The following KIF20B variants were observed in gnomAD, a reference collection of about 807,000 sequenced individuals.
KIF20B encodes kinesin-like protein KIF20B.
KIF20B carries 188 observed loss-of-function variants against 232.5 expected under a neutral mutation model. The ratio of observed to expected loss-of-function variants is 0.81; its 90% CI spans 0.72 to 0.91. KIF20B has a LOEUF of 0.91. Ranked by LOEUF, KIF20B falls within the 40% of genes least tolerant of loss-of-function variation. The pLI is 0.00. For synonymous variants in KIF20B, 712 were observed against 683.0 expected (o/e 1.04, Z -0.66); for missense variants, 2,154 against 2,055.9 (o/e 1.05, Z -0.92).
chr10:89,768,977 C>G (rs1249453134), intron 31 of KIF20B, 89 bp downstream of exon 31: 1 of 1,072,372 alleles, frequency 9.3e-7, no homozygotes, highest in Non-Finnish European at 1.3e-6. Flanking sequence ...AACAGCTGTT[C>G]AGGGAATATT....
rs1232096793 is a variant in KIF20B, at chr10:89,738,236, A to G, written c.3395A>G (p.Asn1132Ser). Residue 1132 changes from asparagine to serine, a missense_variant, in exon 20 of 33, where the codon AAT (asparagine) becomes AGT (serine). Transcript: ENST00000371728. ...CTGAAAGAAGAATTGCAAGAAAAAA[A>G]TGTTACTCTTGATGTTCAAATACAG... Reference protein sequence around the residue: ...QQLKEELQEKNVTLDVQIQHV... With the variant: ...QQLKEELQEKSVTLDVQIQHV... 2 of 1,603,712 alleles carry G rather than the reference A, an allele frequency of 1.2e-6. No individual in the cohort carries two copies. The highest frequency in any genetic ancestry group is 1.4e-5 in the African/African-American group (1 of 74,018).
chr10:89,748,289 C>G (rs1017251669), intron 23 of KIF20B, among the ~76,000 whole-genome samples: 4 of 152,228 alleles, frequency 2.6e-5, no homozygotes, highest in Non-Finnish European at 4.4e-5. Context: ...GGATTACAGG[C>G]TTGAGCCACC....
intron 18 of KIF20B, among the ~76,000 whole-genome samples, chr10:89,729,818 C>T (rs557372042): frequency 6.6e-6 from 1 of 152,128 alleles, no homozygotes; most frequent in African/African-American, 2.4e-5. Flanking sequence ...TCTTTTAATC[C>T]ATGTCTTTTA....
rs1175391846 is a variant in KIF20B, at chr10:89,774,550, T to C, written c.*502T>C. On this transcript the variant is annotated 3_prime_UTR_variant, in exon 33 of 33. Coordinates refer to ENST00000371728, the MANE Select transcript of KIF20B (RefSeq NM_001284259.2). ...ATGTCTCACTTATTTTGTAAACATT[T>C]TGTGGGTACATAGTACATGTATATA... 2.0e-5 allele frequency: 3 copies of C among 152,068 alleles called. No individual in the cohort carries two copies. Among genetic ancestry groups the C allele is most frequent in the African/African-American group, 7.2e-5 (3 of 41,434 alleles). 9.4% of individuals were successfully genotyped at this position (152,068 alleles called of 1,614,324 possible).
intron 19 of KIF20B, 83 bp downstream of exon 19, chr10:89,733,139 T>A: frequency 7.3e-7 from 1 of 1,370,284 alleles, no homozygotes; most frequent in Non-Finnish European, 1.0e-6. Flanking sequence ...CAGAGGGGCA[T>A]TCACTTGTCT....
rs946857849 is a variant in KIF20B at position 89,738,485 on chromosome 10, C to T, written c.3644C>T (p.Thr1215Ile). ...CATCTTCAGGATTCTGTCAAAAACACCAAAGATTTAAATGTAAAGGAACTC... is the reference window on the plus strand; with the variant it reads ...CATCTTCAGGATTCTGTCAAAAACATCAAAGATTTAAATGTAAAGGAACTC... ...QEHLQDSVKN[T>I]KDLNVKELKL... Residue 1215 changes from threonine (T) to isoleucine (I), a missense_variant, in exon 20 of 33, where the codon ACC becomes ATC. Physicochemically the swap from Thr to Ile is moderately conservative, Grantham distance 89. Coordinates refer to ENST00000371728, the MANE Select transcript of KIF20B (RefSeq NM_001284259.2). 3 of 1,605,142 alleles carry T rather than the reference C, an allele frequency of 1.9e-6. No individual in the cohort carries two copies. Among genetic ancestry groups the T allele is most frequent in the Non-Finnish European group, 2.5e-6 (3 of 1,176,722 alleles).
chr10:89,719,462 T>G lies in KIF20B; in HGVS notation c.1478T>G (p.Phe493Cys). 1 of 1,600,370 alleles carries G rather than the reference T, an allele frequency of 6.2e-7. No individual in the cohort carries two copies. Among genetic ancestry groups the G allele is most frequent in the South Asian group, 1.1e-5 (1 of 88,750 alleles). Residue 493 changes from phenylalanine to cysteine, a missense_variant, in exon 13 of 33, where the codon TTT (phenylalanine) becomes TGT (cysteine). Transcript: ENST00000371728. ...DTLNSSQEKL[F>C]GPVKSSQDVS... ...TTAAATTCCTCTCAAGAGAAATTAT[T>G]TGGACCTGTCAAATCTTCTCAAGAT...
At chr10:89,739,412 G>A (rs1368027704) in intron 21 of KIF20B, among the ~76,000 whole-genome samples, 2 of 152,072 alleles carry the variant, frequency 1.3e-5, no homozygotes, top group Non-Finnish European at 1.5e-5. Context: ...TGTGCAGTAT[G>A]ATTTTTTAGT....
intron 31 of KIF20B, among the ~76,000 whole-genome samples, chr10:89,771,854 C>T (rs1267106792): frequency 6.6e-6 from 1 of 151,894 alleles, no homozygotes; most frequent in African/African-American, 2.4e-5. Context: ...TGGGTAGGAG[C>T]TGGTGCTTTC....
chr10:89,707,711 G>A (rs903840133), intron 2 of KIF20B, among the ~76,000 whole-genome samples: 1 of 151,296 alleles, frequency 6.6e-6, no homozygotes, highest in South Asian at 2.1e-4. Context: ...CTAGAAGTGG[G>A]GAAGCAGAAA....
In KIF20B at chr10:89,770,512, A is replaced by G. The variant is rs143339377; in HGVS notation, c.5242+1624A>G. 4.6e-3 allele frequency among the ~76,000 whole-genome samples: 705 copies of G among 152,102 alleles called. 3 individuals carry two copies. Among genetic ancestry groups the G allele is most frequent in the African/African-American group, 0.016 (677 of 41,536 alleles). ...TATTTTCAAGGAGAGGTAGGTACCT[A>G]TAATAAGTATGTAATCAGATAAGGG... On this transcript the variant is annotated intron_variant, in intron 31 of 32. Coordinates refer to ENST00000371728, the MANE Select transcript of KIF20B (RefSeq NM_001284259.2).
Position 89,726,444 on chromosome 10 carries a change from A to G in KIF20B, c.2153A>G (p.Asn718Ser). 1 of 1,606,578 alleles carries G rather than the reference A, an allele frequency of 6.2e-7. No homozygotes were observed. The highest frequency in any genetic ancestry group is 8.5e-7 in the Non-Finnish European group (1 of 1,175,666). Residue 718 changes from asparagine (N) to serine (S), a missense_variant, in exon 16 of 33, where the codon AAT (asparagine) becomes AGT (serine). Physicochemically the swap from Asn to Ser is conservative, Grantham distance 46 (BLOSUM62 1). Coordinates refer to ENST00000371728, the MANE Select transcript of KIF20B (RefSeq NM_001284259.2). ...ACTGCTTGTTTAGAACTAAAGTTTA[A>G]TCAAATTAAAGCTGAATTAGCTAAA... ...EATACLELKF[N>S]QIKAELAKTK...
chr10:89,719,760 G>A, intron 13 of KIF20B, 54 bp downstream of exon 13: 1 of 1,352,920 alleles, frequency 7.4e-7, no homozygotes, highest in Non-Finnish European at 1.0e-6. Flanking sequence ...TGAAGTTAAG[G>A]TTAAATCTTA....
At chr10:89,760,724 T>G in intron 28 of KIF20B, 88 bp downstream of exon 28, 1 of 770,108 alleles carries the variant, frequency 1.3e-6, no homozygotes, top group Non-Finnish European at 2.2e-6. Context: ...TGAAGATACC[T>G]TACTGCACAA....
intron 21 of KIF20B, among the ~76,000 whole-genome samples, chr10:89,741,512 A>C (rs1046093629): frequency 3.9e-5 from 6 of 152,260 alleles, no homozygotes; most frequent in African/African-American, 1.4e-4. Context: ...AGCAAATAAT[A>C]ATAATTATAG....
At chr10:89,711,189 T>G in intron 6 of KIF20B, 44 bp downstream of exon 6, 1 of 1,235,930 alleles carries the variant, frequency 8.1e-7, no homozygotes, top group East Asian at 2.5e-5. Context: ...AATTCCTGAC[T>G]TCTTATAAAC....
intron 1 of KIF20B, 76 bp from the exon 2 acceptor site, chr10:89,705,218 C>A (rs1052532430): frequency 1.5e-6 from 2 of 1,297,150 alleles, no homozygotes; most frequent in African/African-American, 1.5e-5. Context: ...AAGTAGTGGG[C>A]TAGACTTTTG....
chr10:89,726,043 G>T (rs1589860470), intron 15 of KIF20B, among the ~76,000 whole-genome samples: 4 of 152,226 alleles, frequency 2.6e-5, no homozygotes, highest in Admixed American at 2.6e-4. Flanking sequence ...AATCATAATT[G>T]TTCTATAATG....
At chr10:89,768,467 T>A (rs914336164) in intron 30 of KIF20B, 76 bp downstream of exon 30, 9 of 910,708 alleles carry the variant, frequency 9.9e-6, no homozygotes, top group Non-Finnish European at 1.4e-5. Context: ...CTCATTTATC[T>A]TCTCTTTCCT....
Sources: gnomAD v4.1 joint callset for allele counts (sites outside exome capture counted in the v4.1 genomes callset) on GRCh38, gnomAD v4.1.1 for gene constraint, MANE v1.5 for transcripts, NCBI Gene and HGNC (gene_info 2026-07-23, HGNC 2026-07-21) for gene names.